The following DOCK10 variants were observed in gnomAD, a reference collection of about 807,000 sequenced individuals.
DOCK10 encodes the protein dedicator of cytokinesis protein 10.
In DOCK10, 145 loss-of-function variants were observed where a neutral mutation model predicts 280.1. That is an observed-to-expected ratio of 0.52 (90% CI 0.45 to 0.59). The LOEUF (loss-of-function observed/expected upper bound fraction) is 0.59, where lower values mean the gene tolerates loss of function less well. DOCK10 is among the 20% of genes least tolerant of loss of function. The pLI is 0.00. For missense variants in DOCK10, 2,368 were observed against 2,651.7 expected, an observed-to-expected ratio of 0.89 and a Z score of 2.35; for synonymous variants, 915 against 942.2, an observed-to-expected ratio of 0.97 and a Z score of 0.53.
At chr2:224,898,493 T>C (rs1313316662) in intron 3 of DOCK10, among the ~76,000 whole-genome samples, 11 of 152,166 alleles carry the variant, frequency 7.2e-5, no homozygotes. Context: ...ATGGGGAATT[T>C]GAGCAAAACA....
At chr2:224,836,350 A>G (rs1695592060) in intron 25 of DOCK10, among the ~76,000 whole-genome samples, 1 of 152,158 alleles carries the variant, frequency 6.6e-6, no homozygotes, top group Non-Finnish European at 1.5e-5. Flanking sequence ...TGCAGTTGAG[A>G]TGTGGATCTT....
At chr2:224,916,610 G>A (rs957893423) in intron 3 of DOCK10, 85 bp downstream of exon 3, 9 of 855,092 alleles carry the variant, frequency 1.1e-5, no homozygotes, top group Middle Eastern at 4.9e-4. Context: ...AAAATGACAG[G>A]AAGATAATAA....
chr2:224,939,449 T>A (rs80184310), intron 1 of DOCK10, among the ~76,000 whole-genome samples: 3 of 152,160 alleles, frequency 2.0e-5, no homozygotes, highest in Non-Finnish European at 4.4e-5. Flanking sequence ...CAAATAAAAA[T>A]AAAATTTAAA....
At chr2:224,852,584 T>G (rs1696817033) in intron 17 of DOCK10, 142 bp from the exon 18 acceptor site, 1 of 695,242 alleles carries the variant, frequency 1.4e-6, no homozygotes, top group African/African-American at 1.8e-5. Flanking sequence ...ATCCATAATC[T>G]TTTGAAATAA....
intron 27 of DOCK10, among the ~76,000 whole-genome samples, chr2:224,825,508 A>T (rs574542616): frequency 6.6e-6 from 1 of 152,362 alleles, no homozygotes; most frequent in East Asian, 1.9e-4. Context: ...CACCTTTTAA[A>T]GAATCAAAGC....
intron 2 of DOCK10, among the ~76,000 whole-genome samples, chr2:224,928,321 C>G (rs146690283): frequency 7.9e-4 from 120 of 152,322 alleles, no homozygotes; most frequent in African/African-American, 2.6e-3. Flanking sequence ...AACTCTGTTG[C>G]AACCCTGCCT....
At chr2:224,877,471 GGTT>G (rs1698705612) in intron 7 of DOCK10, among the ~76,000 whole-genome samples, 1 of 151,198 alleles carries the variant, frequency 6.6e-6, no homozygotes, top group Non-Finnish European at 1.5e-5. Context: ...TATTGGAATA[GGTT>G]CCTATTCTAT....
chr2:225,038,041 C>T (rs1559990136), intron 1 of DOCK10, among the ~76,000 whole-genome samples: 1 of 152,110 alleles, frequency 6.6e-6, no homozygotes, highest in Non-Finnish European at 1.5e-5. Context: ...TCTGCTAAAC[C>T]ATAAACACCC....
intron 18 of DOCK10, among the ~76,000 whole-genome samples, chr2:224,852,019 G>T (rs902483635): frequency 9.2e-5 from 14 of 151,376 alleles, no homozygotes; most frequent in Non-Finnish European, 1.8e-4. Context: ...GCAGTTCTGC[G>T]TAGACCATAC....
intron 45 of DOCK10, among the ~76,000 whole-genome samples, chr2:224,794,232 T>C (rs997707544): frequency 6.6e-6 from 1 of 152,256 alleles, no homozygotes; most frequent in Admixed American, 6.5e-5. Context: ...TTTAGGACTA[T>C]CCTAGACAAA....
intron 1 of DOCK10, among the ~76,000 whole-genome samples, chr2:225,035,831 G>T (rs35315050): frequency 6.0e-5 from 9 of 150,696 alleles, no homozygotes; most frequent in African/African-American, 2.2e-4. Flanking sequence ...GTAGTTGGCC[G>T]CCTTCTTGTT....
At chr2:224,948,048 A>G (rs1016977606) in intron 1 of DOCK10, among the ~76,000 whole-genome samples, 5 of 152,236 alleles carry the variant, frequency 3.3e-5, no homozygotes, top group Non-Finnish European at 7.3e-5. Flanking sequence ...GATATACAAT[A>G]TAGGAGTATG....
At chr2:224,921,112 A>AAAAAAAAAAAAT in intron 2 of DOCK10, among the ~76,000 whole-genome samples, 7 of 54,416 alleles carry the variant, frequency 1.3e-4, no homozygotes, top group African/African-American at 6.3e-4. Flanking sequence ...AAAAAAAAAA[A>AAAAAAAAAAAAT]ATATATATAT....
intron 1 of DOCK10, among the ~76,000 whole-genome samples, chr2:225,015,626 T>G (rs1310486732): frequency 1.3e-5 from 2 of 152,162 alleles, no homozygotes; most frequent in African/African-American, 4.8e-5. Flanking sequence ...GAGGCTGTGT[T>G]TTAGAAACGA....
Position 224,823,482 on chromosome 2 carries a change from C to A in DOCK10, c.3183+19G>T. ...CAACATGGGGCCTTGAATAGAACTG[C>A]GATCTCATATAACTGTACCTTGAGA... On this transcript the variant is annotated intron_variant, in intron 28 of 55. Transcript: ENST00000258390. The A allele has an allele frequency of 1.9e-6, 3 of 1,556,216 alleles. No individual in the cohort carries two copies. The highest frequency in any genetic ancestry group is 1.2e-5 in the South Asian group (1 of 81,104).
At chr2:224,868,072 C>G (rs1425986770) in intron 11 of DOCK10, among the ~76,000 whole-genome samples, 3 of 151,866 alleles carry the variant, frequency 2.0e-5, no homozygotes, top group Non-Finnish European at 2.9e-5. Flanking sequence ...CCTGTTGAAT[C>G]CATGAAATAG....
At chr2:224,871,601 A>G (rs543964091) in intron 11 of DOCK10, among the ~76,000 whole-genome samples, 5 of 152,278 alleles carry the variant, frequency 3.3e-5, no homozygotes, top group African/African-American at 9.6e-5. Flanking sequence ...TTTCTTCTAC[A>G]TCATCTTGGT....
chr2:224,848,761 T>G (rs1382375980), intron 19 of DOCK10, among the ~76,000 whole-genome samples: 1 of 152,176 alleles, frequency 6.6e-6, no homozygotes, highest in East Asian at 1.9e-4. Context: ...CAAGCTCCCT[T>G]AAGTTCAGGC....
At chr2:224,938,006 C>G (rs567050135) in intron 1 of DOCK10, among the ~76,000 whole-genome samples, 1 of 152,252 alleles carries the variant, frequency 6.6e-6, no homozygotes, top group Non-Finnish European at 1.5e-5. Flanking sequence ...TGACTGAGGA[C>G]CGCATATCTG....
Sources: allele counts gnomAD v4.1 joint callset (sites outside exome capture counted in the v4.1 genomes callset), GRCh38; gene constraint gnomAD v4.1.1; transcripts MANE v1.5; gene names NCBI Gene and HGNC (gene_info 2026-07-23, HGNC 2026-07-21).